The following PRMT8 variants were observed in gnomAD, a reference collection of about 807,000 sequenced individuals.
PRMT8 encodes the protein protein arginine N-methyltransferase 8.
A neutral mutation model predicts 47.1 loss-of-function variants in PRMT8; 7 were observed. That is an observed-to-expected ratio of 0.15 (90% CI 0.08 to 0.28). The LOEUF (loss-of-function observed/expected upper bound fraction) is 0.28. Among genes scored for constraint, PRMT8 ranks in the 10% least tolerant of loss-of-function variants. PRMT8 has a pLI of 1.00. For synonymous variants in PRMT8, 188 were observed against 186.5 expected (o/e 1.01, Z -0.07); for missense variants, 237 against 505.4 (o/e 0.47, Z 5.09).
At chr12:3,463,225 A>G (rs1472290166) in intron 1 of PRMT8, 1 of 152,170 alleles carries the variant, frequency 6.6e-6, no homozygotes, top group Non-Finnish European at 1.5e-5. Flanking sequence ...GCTGGAAGTG[A>G]GACTTCATGA....
intron 1 of PRMT8, among the ~76,000 whole-genome samples, chr12:3,468,537 G>A (rs1177445040): frequency 6.6e-6 from 1 of 152,204 alleles, no homozygotes; most frequent in African/African-American, 2.4e-5. Flanking sequence ...CCAGTCGTTG[G>A]CATCAGGCCA....
In PRMT8 at chr12:3,593,299, C is replaced by T; in HGVS notation, c.*117C>T. 1 of 883,978 alleles carries T rather than the reference C, an allele frequency of 1.1e-6. No homozygotes were observed. The highest frequency in any genetic ancestry group is 1.7e-6 in the Non-Finnish European group (1 of 574,952). 54.8% of individuals were successfully genotyped at this position (883,978 alleles called of 1,614,324 possible). A position where few individuals can be genotyped will look rare whatever the true frequency, so the allele number is the denominator to read the frequency against. ...CACTTGAAAACCAGAGTTTTCAACTCTGCCTTGAAGATTGGTGAACTCCCC... is the reference window on the plus strand; with the variant it reads ...CACTTGAAAACCAGAGTTTTCAACTTTGCCTTGAAGATTGGTGAACTCCCC... On this transcript the variant is annotated 3_prime_UTR_variant, in exon 10 of 10. Coordinates refer to ENST00000382622, the MANE Select transcript of PRMT8 (RefSeq NM_019854.5). This position sits in a 1 kb window ranked among gnomAD's most constrained non-coding sequence, Gnocchi z 4.8.
chr12:3,458,938 A>G (rs1865006574), intron 1 of PRMT8, among the ~76,000 whole-genome samples: 1 of 152,182 alleles, frequency 6.6e-6, no homozygotes, highest in Non-Finnish European at 1.5e-5. Flanking sequence ...TCCACTCACA[A>G]TTCAGTGGCC....
intron 1 of PRMT8, among the ~76,000 whole-genome samples, chr12:3,435,501 G>GT (rs11341367): frequency 1.5e-3 from 219 of 144,952 alleles, no homozygotes; most frequent in Non-Finnish European, 2.4e-3. Flanking sequence ...ACAACGTCAT[G>GT]TTTTTTTTTT....
chr12:3,506,888 T>C (rs1054247544), intron 1 of PRMT8, among the ~76,000 whole-genome samples: 7 of 151,990 alleles, frequency 4.6e-5, no homozygotes, highest in African/African-American at 1.7e-4. Context: ...GAGAGAGAGA[T>C]ACACAGGCTG....
chr12:3,399,885 T>C (rs938082337), intron 1 of PRMT8, among the ~76,000 whole-genome samples: 2 of 152,218 alleles, frequency 1.3e-5, no homozygotes, highest in African/African-American at 4.8e-5. Context: ...AGTGGATCAA[T>C]GACTATACCC....
rs1303854017 is a variant in PRMT8, at chr12:3,453,481, G to A, written c.48+72039G>A. 6.6e-6 allele frequency among the ~76,000 whole-genome samples: 1 copy of A among 152,210 alleles called. No individual in the cohort carries two copies. The highest frequency in any genetic ancestry group is 1.5e-5 in the Non-Finnish European group (1 of 68,040). On this transcript the variant is annotated intron_variant, in intron 1 of 9. Transcript: ENST00000452611. This position sits in a 1 kb window ranked among gnomAD's most constrained non-coding sequence, Gnocchi z 4.9. ...GTCCCCTGGAGGCTACTGCTGCTGG[G>A]ACTGTGCGGTGCCGTAGGACATGAT...
chr12:3,524,525 G>A (rs577487786), intron 1 of PRMT8, among the ~76,000 whole-genome samples: 2 of 151,068 alleles, frequency 1.3e-5, no homozygotes, highest in Non-Finnish European at 2.9e-5. Flanking sequence ...AGCTTGTTTT[G>A]TGGGTTCTTA....
intron 8 of PRMT8, among the ~76,000 whole-genome samples, chr12:3,587,823 AAC>A (rs1291578816): frequency 4.6e-5 from 7 of 152,278 alleles, no homozygotes; most frequent in African/African-American, 1.4e-4. Context: ...GCCACTTAGA[AAC>A]ACATCCCATA....
intron 2 of PRMT8, among the ~76,000 whole-genome samples, chr12:3,544,663 T>C (rs1866296570): frequency 6.6e-6 from 1 of 152,156 alleles, no homozygotes; most frequent in African/African-American, 2.4e-5. Flanking sequence ...ATTAAGATGT[T>C]CCCGTGATGA....
At chr12:3,444,309 C>T (rs908603637) in intron 1 of PRMT8, among the ~76,000 whole-genome samples, 6 of 152,142 alleles carry the variant, frequency 3.9e-5, no homozygotes, top group Non-Finnish European at 7.3e-5. Flanking sequence ...CTGACTCTGC[C>T]GCCTTGCTTT....
rs920624767 is a variant in PRMT8, at chr12:3,493,192, T to A, written c.75+1492T>A. Among the ~76,000 whole-genome samples, 2 of 152,316 alleles carry A rather than the reference T, an allele frequency of 1.3e-5. No homozygotes were observed. Among genetic ancestry groups the A allele is most frequent in the Admixed American group, 1.3e-4 (2 of 15,306 alleles). On this transcript the variant is annotated intron_variant, in intron 1 of 9. Transcript: ENST00000382622. The surrounding 1 kb of genome is among the most constrained non-coding windows in gnomAD (Gnocchi z 8.2). ...TCCTTGAGTTAGGGCAAAGCCTGCGTGCCCGCCGTCCCCTCACCACTTCCT... is the reference window on the plus strand; with the variant it reads ...TCCTTGAGTTAGGGCAAAGCCTGCGAGCCCGCCGTCCCCTCACCACTTCCT...
chr12:3,581,111 G>C (rs1867053271), intron 7 of PRMT8, among the ~76,000 whole-genome samples: 1 of 152,214 alleles, frequency 6.6e-6, no homozygotes, highest in Admixed American at 6.5e-5. Context: ...GGGAACACAG[G>C]CTGCTATAAG....
In PRMT8 at chr12:3,429,847, G is replaced by A. The variant is rs1864655527; in HGVS notation, c.48+48405G>A. On this transcript the variant is annotated intron_variant, in intron 1 of 9. Coordinates refer to the PRMT8 transcript ENST00000452611. ...AATTGCCTACCCAGGAGTGCTCTTT[G>A]GATCCGCATCACTCAGGCTGGTCAG... Among the ~76,000 whole-genome samples the A allele has an allele frequency of 2.0e-5, 3 of 152,236 alleles. No homozygotes were observed. In the South Asian group the frequency reaches 6.2e-4, roughly 32 times the overall value.
At chr12:3,451,589 T>C (rs1422125050) in intron 1 of PRMT8, among the ~76,000 whole-genome samples, 3 of 152,226 alleles carry the variant, frequency 2.0e-5, no homozygotes, top group African/African-American at 7.2e-5. Flanking sequence ...CTACAAGGAC[T>C]CAAACTGGCC....
At chr12:3,536,213 G>T (rs1369040176) in intron 1 of PRMT8, among the ~76,000 whole-genome samples, 1 of 152,164 alleles carries the variant, frequency 6.6e-6, no homozygotes, top group Admixed American at 6.5e-5. Flanking sequence ...GAATGTTCAG[G>T]GATCACAGGC....
At chr12:3,568,534 T>C (rs896570250) in intron 4 of PRMT8, among the ~76,000 whole-genome samples, 172 bp from the exon 5 acceptor site, 5 of 152,180 alleles carry the variant, frequency 3.3e-5, no homozygotes, top group Admixed American at 2.0e-4. Context: ...AACATGCAGG[T>C]AGTTTTCAAT....
At chr12:3,568,599 A>G in intron 4 of PRMT8, 107 bp from the exon 5 acceptor site, 1 of 1,278,336 alleles carries the variant, frequency 7.8e-7, no homozygotes, top group Non-Finnish European at 1.1e-6. Flanking sequence ...TCCTAAAAGT[A>G]GAATCAGAAT....
intron 8 of PRMT8, among the ~76,000 whole-genome samples, chr12:3,590,434 G>A (rs11615535): frequency 0.031 from 4,694 of 152,248 alleles, 97 homozygotes; most frequent in Non-Finnish European, 0.051. Flanking sequence ...TGGACCTCAG[G>A]TGGCTCATAT....
Sources: allele counts gnomAD v4.1 joint callset (sites outside exome capture counted in the v4.1 genomes callset), GRCh38; gene constraint gnomAD v4.1.1; non-coding constraint Gnocchi (gnomAD v3.1); transcripts MANE v1.5; gene names NCBI Gene and HGNC (gene_info 2026-07-23, HGNC 2026-07-21).